CLP1: variants seen among roughly 807,000 people sequenced by gnomAD.
The protein encoded by CLP1 is polyribonucleotide 5'-hydroxyl-kinase Clp1.
A neutral mutation model predicts 29.9 loss-of-function variants in CLP1; 18 were observed. The ratio of observed to expected loss-of-function variants is 0.60; its 90% confidence interval spans 0.42 to 0.89. The LOEUF (loss-of-function observed/expected upper bound fraction) is 0.89, where lower values mean the gene tolerates loss of function less well. Among genes scored for constraint, CLP1 ranks in the 40% least tolerant of loss-of-function variants. CLP1 has a pLI of 0.00. For missense variants in CLP1, 357 were observed against 544.8 expected (o/e 0.66, Z 3.43); for synonymous variants, 162 against 206.2 (o/e 0.79, Z 1.84).
Position 57,661,835 on chromosome 11 carries a change from T to C in CLP1, c.*399T>C, listed in dbSNP as rs1945879933. The C allele has an allele frequency of 9.8e-6, 2 of 204,650 alleles. No homozygotes were observed. The highest frequency in any genetic ancestry group is 1.6e-4 in the East Asian group (2 of 12,626). The allele number at this position is 204,650 out of a possible 1,614,324, so 12.7% of individuals were successfully genotyped here. ...CAATAAAGTTCAAACTTAAAAAAAA[T>C]CATTTTAATAAATATTTTTGCCATA... On this transcript the variant is annotated 3_prime_UTR_variant, in exon 3 of 3. Coordinates refer to ENST00000533682, the MANE Select transcript of CLP1 (RefSeq NM_006831.3).
Position 57,660,973 on chromosome 11 carries a change from A to G in CLP1, c.815A>G (p.His272Arg). 1 of 1,614,210 alleles carries G rather than the reference A, an allele frequency of 6.2e-7. No homozygotes were observed. Among genetic ancestry groups the G allele is most frequent in the South Asian group, 1.1e-5 (1 of 91,084 alleles). ...AATGAACTGAAACGGGACCTCCCCC[A>G]CTTTGTACGCACTGTGCTGCTCCCT... is the stretch of plus-strand genomic sequence containing the variant. ...LYNELKRDLPHFVRTVLLPKS... is the reference protein window; with the variant it reads ...LYNELKRDLPRFVRTVLLPKS... The change falls in exon 3 of 3, where the codon CAC becomes CGC. Residue 272 changes from histidine (H) to arginine (R), a missense_variant. Physicochemically the swap from His to Arg is conservative, Grantham distance 29. Transcript: ENST00000533682.
chr11:57,661,185 A>G lies in CLP1; in HGVS notation c.1027A>G (p.Met343Val). The G allele has an allele frequency of 6.2e-7, 1 of 1,614,230 alleles. No homozygotes were observed. Among genetic ancestry groups the G allele is most frequent in the Non-Finnish European group, 8.5e-7 (1 of 1,180,048 alleles). Residue 343 changes from methionine to valine, a missense_variant, in exon 3 of 3, where the codon ATG becomes GTG. Coordinates refer to ENST00000533682, the MANE Select transcript of CLP1 (RefSeq NM_006831.3). ...TIPDSCLPLG[M>V]SQEDNQLKLV... ...CCCAGACTCCTGTTTACCTTTGGGC[A>G]TGTCTCAAGAGGATAATCAGCTCAA...
intron 1 of CLP1, among the ~76,000 whole-genome samples, chr11:57,658,874 A>G (rs765382614): frequency 6.6e-6 from 1 of 152,176 alleles, no homozygotes; most frequent in Non-Finnish European, 1.5e-5. Context: ...TCCTGACCTC[A>G]GGTGATCCAC....
chr11:57,660,098 A>C lies in CLP1; in HGVS notation c.606+16A>C, dbSNP rs760450723. The C allele has an allele frequency of 1.3e-6, 2 of 1,537,856 alleles. No homozygotes were observed. Among genetic ancestry groups the C allele is most frequent in the African/African-American group, 2.8e-5 (2 of 72,498 alleles). On this transcript the variant is annotated intron_variant, in intron 2 of 2. Coordinates refer to ENST00000533682, the MANE Select transcript of CLP1 (RefSeq NM_006831.3). ...TTATAATAAGGTCAGAGCCAGAGAAAGGTGGGGTGGAGGGAAGGGCTGCTA... is the reference window on the plus strand; with the variant it reads ...TTATAATAAGGTCAGAGCCAGAGAACGGTGGGGTGGAGGGAAGGGCTGCTA...
Position 57,661,487 on chromosome 11 carries a change from C to A in CLP1, c.*51C>A. On this transcript the variant is annotated 3_prime_UTR_variant, in exon 3 of 3. Coordinates refer to ENST00000533682, the MANE Select transcript of CLP1 (RefSeq NM_006831.3). ...GGGACATAGAGATCATCTGGCCACCCCTAGAGGCAGATGGGCTGAGATAAA... is the reference window on the plus strand; with the variant it reads ...GGGACATAGAGATCATCTGGCCACCACTAGAGGCAGATGGGCTGAGATAAA... The A allele has an allele frequency of 6.8e-7, 1 of 1,465,218 alleles. No individual in the cohort carries two copies. The highest frequency in any genetic ancestry group is 9.3e-7 in the Non-Finnish European group (1 of 1,073,752). 90.8% of individuals were successfully genotyped at this position (1,465,218 alleles called of 1,614,324 possible).
chr11:57,659,906 C>T lies in CLP1; in HGVS notation c.430C>T (p.Arg144Cys), dbSNP rs748105033. 1 of 1,614,030 alleles carries T rather than the reference C, an allele frequency of 6.2e-7. No individual in the cohort carries two copies. The highest frequency in any genetic ancestry group is 8.5e-7 in the Non-Finnish European group (1 of 1,180,046). Residue 144 changes from arginine (R) to cysteine (C), a missense_variant, in exon 2 of 3, where the codon CGT becomes TGT. By Grantham distance (180) the Arg-to-Cys change is radical. Transcript: ENST00000533682. ...LLNYAVRLGRRPTYVELDVGQ... is the reference protein window; with the variant it reads ...LLNYAVRLGRCPTYVELDVGQ... Reference sequence around the variant, plus strand: ...CAACTACGCAGTGCGTTTGGGCCGCCGTCCCACTTATGTGGAGCTGGATGT... The same window carrying T: ...CAACTACGCAGTGCGTTTGGGCCGCTGTCCCACTTATGTGGAGCTGGATGT...
Position 57,659,486 on chromosome 11 carries a change from G to A in CLP1, c.10G>A (p.Glu4Lys). The A allele has an allele frequency of 6.2e-7, 1 of 1,614,178 alleles. No homozygotes were observed. The highest frequency in any genetic ancestry group is 8.5e-7 in the Non-Finnish European group (1 of 1,180,022). Residue 4 changes from glutamate to lysine, a missense_variant, in exon 2 of 3, where the codon GAG becomes AAG. Transcript: ENST00000533682. Reference sequence around the variant, plus strand: ...CAGCTACACAGAAGAGATGGGAGAAGAGGCTAATGATGACAAGAAGCCAAC... The same window carrying A: ...CAGCTACACAGAAGAGATGGGAGAAAAGGCTAATGATGACAAGAAGCCAAC... MGE[E>K]ANDDKKPTTK... is the part of the protein sequence containing the mutation.
intron 2 of CLP1, 137 bp from the exon 3 acceptor site, chr11:57,660,628 T>G: frequency 1.4e-6 from 1 of 716,660 alleles, no homozygotes; most frequent in East Asian, 2.7e-5. Context: ...CACTCCATCC[T>G]GGGCAACAGA....
rs748646139 is a variant in CLP1, at chr11:57,660,836, T to C, written c.678T>C (p.Cys226=). The C allele has an allele frequency of 1.2e-6, 2 of 1,613,900 alleles. No individual in the cohort carries two copies. The highest frequency in any genetic ancestry group is 1.1e-5 in the South Asian group (1 of 91,070). Residue 226 remains cysteine, a synonymous_variant, in exon 3 of 3, where the codon TGT becomes TGC. Coordinates refer to ENST00000533682, the MANE Select transcript of CLP1 (RefSeq NM_006831.3). The part of the protein sequence containing the change: ...EVNRRASVSG[C]VINTCGWVKG... ...ACCGAAGGGCATCTGTGAGTGGCTGTGTCATTAACACCTGTGGCTGGGTCA... is the reference window on the plus strand; with the variant it reads ...ACCGAAGGGCATCTGTGAGTGGCTGCGTCATTAACACCTGTGGCTGGGTCA...
Position 57,659,870 on chromosome 11 carries a change from C to T in CLP1, c.394C>T (p.Arg132Cys), listed in dbSNP as rs754081484. 15 of 1,614,054 alleles carry T rather than the reference C, an allele frequency of 9.3e-6. 1 individual carries two copies. Among genetic ancestry groups the T allele is most frequent in the South Asian group, 4.4e-5 (4 of 91,078 alleles). ...PTDVGKSTVC[R>C]LLLNYAVRLG... is the part of the protein sequence containing the mutation. ...TGATGTGGGCAAGTCTACAGTGTGT[C>T]GCCTTCTGCTCAACTACGCAGTGCG... is the stretch of plus-strand genomic sequence containing the variant. Residue 132 changes from arginine (R) to cysteine (C), a missense_variant, in exon 2 of 3, where the codon CGC (arginine) becomes TGC (cysteine). Coordinates refer to ENST00000533682, the MANE Select transcript of CLP1 (RefSeq NM_006831.3).
At position 57,660,889 on chromosome 11, in the gene CLP1, A is replaced by C; in HGVS notation, c.731A>C (p.His244Pro). ...GGCTCTGGTTACCAGGCTCTGGTGC[A>C]TGCAGCCTCAGCTTTTGAGGTGGAT... ...VKGSGYQALV[H>P]AASAFEVDVV... The change falls in exon 3 of 3, where the codon CAT becomes CCT. Residue 244 changes from histidine (H) to proline (P), a missense_variant. By Grantham distance (77) the His-to-Pro change is moderately conservative. Transcript: ENST00000533682. 1 of 1,614,156 alleles carries C rather than the reference A, an allele frequency of 6.2e-7. No individual in the cohort carries two copies. The highest frequency in any genetic ancestry group is 8.5e-7 in the Non-Finnish European group (1 of 1,180,022).
At position 57,659,771 on chromosome 11, in the gene CLP1, G is replaced by A; in HGVS notation, c.295G>A (p.Ala99Thr). The change falls in exon 2 of 3, where the codon GCC (alanine) becomes ACC (threonine). Residue 99 changes from alanine (A) to threonine (T), a missense_variant. Transcript: ENST00000533682. ...GTTGCTTTACCTCAACACTCACACA[G>A]CCTTGGAACAGATGCGGAGGCAAGC... ...PMLLYLNTHTALEQMRRQAEK... is the reference protein window; with the variant it reads ...PMLLYLNTHTTLEQMRRQAEK... The A allele has an allele frequency of 6.2e-7, 1 of 1,614,186 alleles. No homozygotes were observed. The highest frequency in any genetic ancestry group is 8.5e-7 in the Non-Finnish European group (1 of 1,180,050).
chr11:57,661,564 A>G lies in CLP1; in HGVS notation c.*128A>G, dbSNP rs962691183. 2.8e-6 allele frequency: 2 copies of G among 725,388 alleles called. No individual in the cohort carries two copies. The highest frequency in any genetic ancestry group is 4.5e-6 in the Non-Finnish European group (2 of 442,344). 44.9% of individuals were successfully genotyped at this position (725,388 alleles called of 1,614,324 possible). On this transcript the variant is annotated 3_prime_UTR_variant, in exon 3 of 3. Transcript: ENST00000533682. ...AACTGTGGACTAGTAGAAAGTTCAT[A>G]TTCTACCTCTAAAAACAGGTAGTGG...
In CLP1 at chr11:57,659,511, C is replaced by T; in HGVS notation, c.35C>T (p.Thr12Ile). Residue 12 changes from threonine (T) to isoleucine (I), a missense_variant, in exon 2 of 3, where the codon ACC becomes ATC. Transcript: ENST00000533682. Reference sequence around the variant, plus strand: ...GAGGCTAATGATGACAAGAAGCCAACCACTAAATTTGAACTAGAGCGAGAA... The same window carrying T: ...GAGGCTAATGATGACAAGAAGCCAATCACTAAATTTGAACTAGAGCGAGAA... ...GEEANDDKKP[T>I]TKFELERETE... The T allele has an allele frequency of 1.2e-6, 2 of 1,614,106 alleles. No homozygotes were observed. Among genetic ancestry groups the T allele is most frequent in the Non-Finnish European group, 1.7e-6 (2 of 1,180,006 alleles).
intron 1 of CLP1, among the ~76,000 whole-genome samples, chr11:57,658,324 T>A (rs1027842707): frequency 6.6e-6 from 1 of 152,232 alleles, no homozygotes; most frequent in African/African-American, 2.4e-5. Flanking sequence ...GTTTGGAGTT[T>A]ACCAATAGAG....
chr11:57,659,995 T>C lies in CLP1; in HGVS notation c.519T>C (p.Asp173=). The C allele has an allele frequency of 6.2e-7, 1 of 1,613,424 alleles. No individual in the cohort carries two copies. ...CCCTCTACATCGAGCGGCCTGCAGA[T>C]GTCGAAGAGGGTTTCTCTATCCAGG... ...MGALYIERPA[D]VEEGFSIQAP... Residue 173 remains aspartate (D), a synonymous_variant, in exon 2 of 3, where the codon GAT becomes GAC. Coordinates refer to ENST00000533682, the MANE Select transcript of CLP1 (RefSeq NM_006831.3).
chr11:57,659,387 C>T, intron 1 of CLP1, 68 bp from the exon 2 acceptor site: 5 of 1,465,300 alleles, frequency 3.4e-6, no homozygotes, highest in Non-Finnish European at 4.6e-6. Context: ...CCATGCCTGG[C>T]CCCATTGGAT....
At position 57,659,803 on chromosome 11, in the gene CLP1, G is replaced by C; in HGVS notation, c.327G>C (p.Lys109Asn). 6.2e-7 allele frequency: 1 copy of C among 1,614,166 alleles called. No individual in the cohort carries two copies. Among genetic ancestry groups the C allele is most frequent in the Non-Finnish European group, 8.5e-7 (1 of 1,180,048 alleles). ...AACAGATGCGGAGGCAAGCGGAAAA[G>C]GAAGAAGAGCGAGGTCCCCGAGTGA... ...ALEQMRRQAEKEEERGPRVMV... is the reference protein window; with the variant it reads ...ALEQMRRQAENEEERGPRVMV... Residue 109 changes from lysine to asparagine, a missense_variant, in exon 2 of 3, where the codon AAG becomes AAC. Lys to Asn is a moderately conservative substitution (Grantham distance 94, BLOSUM62 0). Coordinates refer to ENST00000533682, the MANE Select transcript of CLP1 (RefSeq NM_006831.3).
In CLP1 at chr11:57,661,215, G is replaced by C; in HGVS notation, c.1057G>C (p.Val353Leu). 6.2e-7 allele frequency: 1 copy of C among 1,614,210 alleles called. No homozygotes were observed. Among genetic ancestry groups the C allele is most frequent in the Non-Finnish European group, 8.5e-7 (1 of 1,180,036 alleles). The change falls in exon 3 of 3, where the codon GTA becomes CTA. Residue 353 changes from valine (V) to leucine (L), a missense_variant. Coordinates refer to ENST00000533682, the MANE Select transcript of CLP1 (RefSeq NM_006831.3). ...TCAAGAGGATAATCAGCTCAAGCTA[G>C]TACCTGTCACTCCTGGGCGAGATAT... The part of the protein sequence containing the change: ...MSQEDNQLKL[V>L]PVTPGRDMVH...
Sources: gnomAD v4.1 joint callset for allele counts (sites outside exome capture counted in the v4.1 genomes callset) on GRCh38, gnomAD v4.1.1 for gene constraint, MANE v1.5 for transcripts, NCBI Gene and HGNC (gene_info 2026-07-23, HGNC 2026-07-21) for gene names.